Variants in NEDD4L observed in about 807,000 individuals in gnomAD.
The protein encoded by NEDD4L is E3 ubiquitin-protein ligase NEDD4-like.
In NEDD4L, 54 loss-of-function variants were observed where a neutral mutation model predicts 148.9. The observed-to-expected ratio is 0.36, with a 90% CI of 0.29 to 0.45. NEDD4L has a LOEUF of 0.45. NEDD4L is among the 20% of genes least tolerant of loss of function. NEDD4L has a pLI of 1.00. For synonymous variants in NEDD4L, 433 were observed against 440.7 expected (o/e 0.98, Z 0.22); for missense variants, 856 against 1,233.8 (o/e 0.69, Z 4.59).
intron 1 of NEDD4L, among the ~76,000 whole-genome samples, chr18:58,096,528 C>T (rs990528003): frequency 6.6e-5 from 10 of 151,978 alleles, no homozygotes; most frequent in Middle Eastern, 3.2e-3. Flanking sequence ...CTCAGCCTCC[C>T]GAGTAGCTGG....
intron 2 of NEDD4L, among the ~76,000 whole-genome samples, chr18:58,242,158 G>A (rs1231452250): frequency 1.3e-5 from 2 of 152,220 alleles, no homozygotes; most frequent in Non-Finnish European, 2.9e-5. Flanking sequence ...AGTGTGTACT[G>A]TGAGGTAATC....
chr18:58,302,850 G>A (rs1343528800), intron 5 of NEDD4L, among the ~76,000 whole-genome samples: 1 of 151,942 alleles, frequency 6.6e-6, no homozygotes, highest in African/African-American at 2.4e-5. Flanking sequence ...CTCCCACGGC[G>A]TACTTCAGAT....
chr18:58,277,259 AT>A (rs1413320532), intron 5 of NEDD4L, among the ~76,000 whole-genome samples: 2 of 146,514 alleles, frequency 1.4e-5, no homozygotes, highest in South Asian at 4.4e-4. Flanking sequence ...AAAAAAAAAA[AT>A]GCTCTGCTGA....
intron 2 of NEDD4L, among the ~76,000 whole-genome samples, chr18:58,170,195 C>G (rs1285590228): frequency 1.3e-5 from 2 of 152,052 alleles, no homozygotes; most frequent in African/African-American, 2.4e-5. Context: ...CCTGTGTTTT[C>G]CCCTCTGCCT....
chr18:58,180,257 A>C (rs139884032), intron 2 of NEDD4L, among the ~76,000 whole-genome samples: 1 of 152,066 alleles, frequency 6.6e-6, no homozygotes, highest in Non-Finnish European at 1.5e-5. Flanking sequence ...CCCTCTTTGC[A>C]CAAGTGCCTT....
intron 5 of NEDD4L, among the ~76,000 whole-genome samples, chr18:58,274,090 C>T (rs2148856713): frequency 6.6e-6 from 1 of 152,244 alleles, no homozygotes; most frequent in East Asian, 1.9e-4. Flanking sequence ...CAGCTGCCAC[C>T]TAAAGGCCCT....
chr18:58,136,389 G>A (rs923974598), intron 1 of NEDD4L, among the ~76,000 whole-genome samples: 4 of 152,172 alleles, frequency 2.6e-5, no homozygotes, highest in African/African-American at 9.7e-5. Context: ...ACAAACACTT[G>A]TTTTGTTTTC....
intron 5 of NEDD4L, among the ~76,000 whole-genome samples, chr18:58,266,392 A>G (rs2050222349): frequency 6.6e-6 from 1 of 152,146 alleles, no homozygotes; most frequent in Non-Finnish European, 1.5e-5. Context: ...GAAAAAAATA[A>G]CTAAAATGAG....
chr18:58,379,405 G>A (rs559595969), intron 24 of NEDD4L, among the ~76,000 whole-genome samples: 8 of 152,222 alleles, frequency 5.3e-5, no homozygotes, highest in Non-Finnish European at 1.0e-4. Context: ...GTACCACCCG[G>A]TGTTCAGTGC....
chr18:58,045,434 T>C (rs2081532287), intron 1 of NEDD4L: 1 of 300,188 alleles, frequency 3.3e-6, no homozygotes, highest in Non-Finnish European at 6.1e-6. Context: ...GAAAGCTTAA[T>C]TGATCTCTTT....
intron 13 of NEDD4L, among the ~76,000 whole-genome samples, chr18:58,336,434 G>C (rs904295660): frequency 6.6e-6 from 1 of 152,022 alleles, no homozygotes; most frequent in African/African-American, 2.4e-5. Context: ...AAAATTAGCC[G>C]GGCGTGGTGG....
intron 2 of NEDD4L, chr18:58,195,495 G>A (rs1794566389): frequency 2.2e-6 from 3 of 1,344,736 alleles, no homozygotes; most frequent in African/African-American, 1.5e-5. Context: ...AGGGTGCCCG[G>A]GTGGGTGGCT....
At chr18:58,076,032 T>A (rs1256842480) in intron 1 of NEDD4L, among the ~76,000 whole-genome samples, 3 of 152,238 alleles carry the variant, frequency 2.0e-5, no homozygotes, top group Non-Finnish European at 4.4e-5. Flanking sequence ...ATAACCATTG[T>A]TGGCATCAAG....
At chr18:58,345,103 G>T (rs1453545524) in intron 16 of NEDD4L, among the ~76,000 whole-genome samples, 4 of 152,162 alleles carry the variant, frequency 2.6e-5, no homozygotes, top group Admixed American at 2.6e-4. Context: ...CCAGATACTT[G>T]TTATTGACTA....
At chr18:58,330,990 C>G in intron 11 of NEDD4L, 76 bp downstream of exon 11, 1 of 1,439,352 alleles carries the variant, frequency 6.9e-7, no homozygotes, top group Non-Finnish European at 9.6e-7. Context: ...GAATCTCTTA[C>G]GTAAATAGTG....
At chr18:58,150,050 C>G (rs8090154) in intron 1 of NEDD4L, among the ~76,000 whole-genome samples, 20,857 of 152,120 alleles carry the variant, frequency 0.14, 1,514 homozygotes, top group Middle Eastern at 0.25. Flanking sequence ...TGGATTTTCT[C>G]TTAGGTTTTA....
chr18:58,364,251 A>G lies in NEDD4L; in HGVS notation c.1768-17A>G, dbSNP rs924325822. ...TGTATTGTTTGCATTATCTATATTT[A>G]TAAATTTATCTTCCAGGCTGTCCCT... On this transcript the variant is annotated splice_polypyrimidine_tract_variant and intron_variant, in intron 19 of 30. Coordinates refer to ENST00000400345, the MANE Select transcript of NEDD4L (RefSeq NM_001144967.3). The G allele has an allele frequency of 3.4e-6, 5 of 1,467,750 alleles. No individual in the cohort carries two copies. Among genetic ancestry groups the G allele is most frequent in the Non-Finnish European group, 4.7e-6 (5 of 1,072,700 alleles). 90.9% of individuals were successfully genotyped at this position (1,467,750 alleles called of 1,614,324 possible).
At chr18:58,239,092 A>T (rs2046345404) in intron 2 of NEDD4L, among the ~76,000 whole-genome samples, 1 of 152,240 alleles carries the variant, frequency 6.6e-6, no homozygotes, top group African/African-American at 2.4e-5. Flanking sequence ...CATTAACAAA[A>T]CGGGTTTTGC....
intron 5 of NEDD4L, among the ~76,000 whole-genome samples, chr18:58,288,289 C>T (rs2054216694): frequency 6.6e-6 from 1 of 152,170 alleles, no homozygotes; most frequent in Non-Finnish European, 1.5e-5. Flanking sequence ...TGTAATCTGT[C>T]TTTGTTTATG....
Sources: allele counts gnomAD v4.1 joint callset (sites outside exome capture counted in the v4.1 genomes callset), GRCh38; gene constraint gnomAD v4.1.1; transcripts MANE v1.5; gene names NCBI Gene and HGNC (gene_info 2026-07-23, HGNC 2026-07-21).